The following GRM7 variants were observed in gnomAD, a reference collection of about 807,000 sequenced individuals.
The protein encoded by GRM7 is metabotropic glutamate receptor 7.
In GRM7, 35 loss-of-function variants were observed where a neutral mutation model predicts 84.5. The ratio of observed to expected loss-of-function variants is 0.41; its 90% CI spans 0.32 to 0.55. The LOEUF is 0.55. Ranked by LOEUF, GRM7 falls within the 20% of genes least tolerant of loss-of-function variation. The pLI, the probability that GRM7 is intolerant of heterozygous loss-of-function variation, is 0.19. For synonymous variants in GRM7, 487 were observed against 455.1 expected, an observed-to-expected ratio of 1.07 and a Z score of -0.89; for missense variants, 1,003 against 1,194.6, an observed-to-expected ratio of 0.84 and a Z score of 2.36.
At chr3:7,239,920 T>C (rs533636398) in intron 2 of GRM7, among the ~76,000 whole-genome samples, 92 of 152,298 alleles carry the variant, frequency 6.0e-4, no homozygotes, top group African/African-American at 2.2e-3. Flanking sequence ...TTTGATCATA[T>C]TTTTAATTAC....
chr3:7,147,403 CAATATGCATGCT>C lies in GRM7; in HGVS notation c.736+736_736+747del, dbSNP rs563094249. 1.4e-3 allele frequency among the ~76,000 whole-genome samples: 218 copies of C among 152,184 alleles called. 3 individuals are homozygous for C. The highest frequency in any genetic ancestry group is 5.1e-3 in the African/African-American group (210 of 41,522). On this transcript the variant is annotated intron_variant, in intron 2 of 9. Coordinates refer to ENST00000357716, the MANE Select transcript of GRM7 (RefSeq NM_000844.4). The stretch of plus-strand genomic sequence containing the variant: ...TGTATTGGATATGGTAAATACATAC[CAATATGCATGCT>C]TAGATATTCCCACACTCTTCTTATG...
chr3:7,006,514 G>T (rs1233618203), intron 1 of GRM7, among the ~76,000 whole-genome samples: 1 of 152,128 alleles, frequency 6.6e-6, no homozygotes, highest in Non-Finnish European at 1.5e-5. Flanking sequence ...TACTCTGGCT[G>T]CTGGGAAGCC....
At chr3:7,595,963 C>T (rs1367399961) in intron 8 of GRM7, among the ~76,000 whole-genome samples, 1 of 152,128 alleles carries the variant, frequency 6.6e-6, no homozygotes, top group Non-Finnish European at 1.5e-5. Flanking sequence ...TTTAAAAAGA[C>T]CACTCTGTCT....
At chr3:7,555,605 G>A (rs2125030417) in intron 7 of GRM7, among the ~76,000 whole-genome samples, 1 of 152,236 alleles carries the variant, frequency 6.6e-6, no homozygotes, top group Admixed American at 6.5e-5. Context: ...TTAAAACATT[G>A]TTACAACTGC....
At chr3:7,237,926 A>C (rs1436261063) in intron 2 of GRM7, among the ~76,000 whole-genome samples, 2 of 152,012 alleles carry the variant, frequency 1.3e-5, no homozygotes, top group Non-Finnish European at 2.9e-5. Flanking sequence ...CAGAGTACTG[A>C]TTGGTGCGTT....
At chr3:7,295,142 T>C (rs1226113821) in intron 2 of GRM7, among the ~76,000 whole-genome samples, 2 of 152,240 alleles carry the variant, frequency 1.3e-5, no homozygotes, top group Non-Finnish European at 2.9e-5. Context: ...GCTTTATATT[T>C]TACACTTGGG....
chr3:7,034,330 G>T (rs1231808184), intron 1 of GRM7, among the ~76,000 whole-genome samples: 1 of 151,950 alleles, frequency 6.6e-6, no homozygotes, highest in Non-Finnish European at 1.5e-5. Context: ...GCTACCCCAG[G>T]TGATTCTGAT....
At chr3:7,443,522 TC>T in intron 5 of GRM7, among the ~76,000 whole-genome samples, 1 of 152,142 alleles carries the variant, frequency 6.6e-6, no homozygotes, top group East Asian at 1.9e-4. Context: ...TTCCCTCCGT[TC>T]TTTTACTTCT....
chr3:7,359,811 CTT>C (rs1183907704), intron 4 of GRM7, among the ~76,000 whole-genome samples: 2 of 148,528 alleles, frequency 1.3e-5, no homozygotes, highest in East Asian at 3.9e-4. Flanking sequence ...AAAGTATAAA[CTT>C]AATGTTAAGC....
intron 8 of GRM7, among the ~76,000 whole-genome samples, chr3:7,598,418 A>G (rs1032988029): frequency 1.3e-5 from 2 of 152,172 alleles, no homozygotes; most frequent in Non-Finnish European, 1.5e-5. Context: ...CTTTGATAAC[A>G]CAGGCAGACT....
chr3:7,408,759 G>A (rs1314672494), intron 4 of GRM7, among the ~76,000 whole-genome samples: 1 of 152,172 alleles, frequency 6.6e-6, no homozygotes, highest in African/African-American at 2.4e-5. Flanking sequence ...AGAGTCGAGG[G>A]TGCAGGACAG....
chr3:7,285,510 C>T (rs902521050), intron 2 of GRM7, among the ~76,000 whole-genome samples: 13 of 151,930 alleles, frequency 8.6e-5, no homozygotes, highest in East Asian at 3.9e-4. Flanking sequence ...CTTTTGAGAG[C>T]GCAAAATGAT....
At chr3:7,005,437 C>T (rs1335897781) in intron 1 of GRM7, among the ~76,000 whole-genome samples, 2 of 152,208 alleles carry the variant, frequency 1.3e-5, no homozygotes, top group Admixed American at 1.3e-4. Flanking sequence ...ATAATCCTGG[C>T]ACCTTTAAAG....
chr3:7,482,570 T>G (rs977756616), intron 7 of GRM7, among the ~76,000 whole-genome samples: 1 of 152,096 alleles, frequency 6.6e-6, no homozygotes, highest in Non-Finnish European at 1.5e-5. Context: ...CCCGGATTTG[T>G]GGAAAAGCAA....
At chr3:7,580,788 G>A (rs1230355233) in intron 8 of GRM7, among the ~76,000 whole-genome samples, 2 of 151,994 alleles carry the variant, frequency 1.3e-5, no homozygotes, top group African/African-American at 2.4e-5. Flanking sequence ...TATGTTTACT[G>A]TCTGTGAAAC....
intron 4 of GRM7, among the ~76,000 whole-genome samples, chr3:7,343,314 G>C (rs895864034): frequency 1.3e-5 from 2 of 151,994 alleles, no homozygotes; most frequent in Admixed American, 1.3e-4. Flanking sequence ...GCTCACTGCA[G>C]CCTCGACCTC....
chr3:6,907,882 A>G (rs1354423146), intron 1 of GRM7, among the ~76,000 whole-genome samples: 2 of 152,134 alleles, frequency 1.3e-5, no homozygotes, highest in Non-Finnish European at 2.9e-5. Flanking sequence ...TTAGATTATA[A>G]AATTGCTTTG....
intron 2 of GRM7, among the ~76,000 whole-genome samples, chr3:7,161,505 C>G (rs191505498): frequency 1.3e-5 from 2 of 150,948 alleles, no homozygotes; most frequent in East Asian, 3.9e-4. Context: ...AGGAATAAAA[C>G]CAGTTCCTTC....
chr3:7,181,202 C>G (rs59920959), intron 2 of GRM7, among the ~76,000 whole-genome samples: 1,644 of 152,288 alleles, frequency 0.011, 34 homozygotes, highest in African/African-American at 0.037. Context: ...TCTTTCCATA[C>G]CCAATGGCCT....
Sources: allele counts gnomAD v4.1 joint callset (sites outside exome capture counted in the v4.1 genomes callset), GRCh38; gene constraint gnomAD v4.1.1; transcripts MANE v1.5; gene names NCBI Gene and HGNC (gene_info 2026-07-23, HGNC 2026-07-21).